AP5Z1: variants seen among roughly 807,000 people sequenced by gnomAD.
AP5Z1 encodes AP-5 complex subunit zeta-1.
In AP5Z1, 106 loss-of-function variants were observed where a neutral mutation model predicts 83.0. That is an observed-to-expected ratio of 1.28 (90% CI 1.09 to 1.50). The LOEUF (loss-of-function observed/expected upper bound fraction) is 1.50, where lower values mean the gene tolerates loss of function less well. Ranked by LOEUF, AP5Z1 falls within the 40% of genes most tolerant of loss-of-function variation. The pLI, the probability that AP5Z1 is intolerant of heterozygous loss-of-function variation, is 0.00. For synonymous variants in AP5Z1, 751 were observed against 514.1 expected, an observed-to-expected ratio of 1.46 and a Z score of -6.23; for missense variants, 1,565 against 1,094.2, an observed-to-expected ratio of 1.43 and a Z score of -6.07.
At position 4,787,711 on chromosome 7, in the gene AP5Z1, CCTGGAGATGCTGCACGCGCTG is replaced by C. The variant is rs1562410720; in HGVS notation, c.1395_1415del (p.Glu465_Leu471del). 5 of 1,550,952 alleles carry C rather than the reference CCTGGAGATGCTGCACGCGCTG, an allele frequency of 3.2e-6. No homozygotes were observed. Among genetic ancestry groups the C allele is most frequent in the Non-Finnish European group, 4.4e-6 (5 of 1,148,948 alleles). The stretch of plus-strand genomic sequence containing the variant: ...CGGCCCTGGTGGACGCTGGCACAGC[CCTGGAGATGCTGCACGCGCTG>C]CTGGACCTGCCCTGCTTGACGGCGG... On this transcript the variant is annotated inframe_deletion, in exon 11 of 17. Transcript: ENST00000649063.
At chr7:4,781,022 TTTATCTCGAGAG>T (rs1781366065) in intron 1 of AP5Z1, among the ~76,000 whole-genome samples, 141 bp from the exon 2 acceptor site, 1 of 152,188 alleles carries the variant, frequency 6.6e-6, no homozygotes, top group African/African-American at 2.4e-5. Flanking sequence ...AATCAGCGAA[TTTATCTCGAGAG>T]CCATGAGCCG....
At chr7:4,781,367 C>G in intron 2 of AP5Z1, 55 bp downstream of exon 2, 2 of 1,607,636 alleles carry the variant, frequency 1.2e-6, no homozygotes, top group Non-Finnish European at 8.5e-7. Context: ...CAGGAGAACC[C>G]AGCCCACGCC....
chr7:4,787,449 G>A (rs1233968158), intron 10 of AP5Z1, 185 bp from the exon 11 acceptor site: 31 of 831,042 alleles, frequency 3.7e-5, no homozygotes, highest in Non-Finnish European at 5.0e-5. Context: ...TTGCACCACT[G>A]CACTCCAGCC....
In AP5Z1 at chr7:4,783,736, G is replaced by A. The variant is rs1000029991; in HGVS notation, c.559G>A (p.Ala187Thr). 9.0e-6 allele frequency: 14 copies of A among 1,550,476 alleles called. No homozygotes were observed. Among genetic ancestry groups the A allele is most frequent in the South Asian group, 2.4e-5 (2 of 84,084 alleles). ...GCGGCTGGTCGACTGGCTGCGCTAC[G>A]CCAGCCTCCAGCAAGGGCTCCCACA... ...SKRLVDWLRY[A>T]SLQQGLPHSG... The change falls in exon 5 of 17, where the codon GCC becomes ACC. Residue 187 changes from alanine to threonine, a missense_variant. Transcript: ENST00000649063.
Position 4,783,459 on chromosome 7 carries a change from G to A in AP5Z1, c.510G>A (p.Glu170=). 6.2e-7 allele frequency: 1 copy of A among 1,611,014 alleles called. No individual in the cohort carries two copies. The highest frequency in any genetic ancestry group is 8.5e-7 in the Non-Finnish European group (1 of 1,178,858). The change falls in exon 4 of 17, where the codon GAG becomes GAA. Residue 170 remains glutamate (E), a splice_region_variant and synonymous_variant. Coordinates refer to ENST00000649063, the MANE Select transcript of AP5Z1 (RefSeq NM_014855.3). ...VVVLSPGTLQ[E]DQATLLSKRL... is the part of the protein sequence containing the mutation. ...TCCTCAGCCCGGGCACCCTCCAGGAGGGTACGCGGGGCCCCTCCCAAGAGG... is the reference window on the plus strand; with the variant it reads ...TCCTCAGCCCGGGCACCCTCCAGGAAGGTACGCGGGGCCCCTCCCAAGAGG...
In AP5Z1 at chr7:4,784,192, C is replaced by G. The variant is rs1167308445; in HGVS notation, c.622-11C>G. ...GCCCCCTCCGCCCACTCCTGCCTGT[C>G]CTTCCCACAGCCGGGCCCCGTCACC... is the stretch of plus-strand genomic sequence containing the variant. On this transcript the variant is annotated splice_polypyrimidine_tract_variant and intron_variant, in intron 5 of 16. Transcript: ENST00000649063. The G allele has an allele frequency of 2.5e-6, 4 of 1,582,996 alleles. No individual in the cohort carries two copies. The highest frequency in any genetic ancestry group is 1.8e-5 in the Admixed American group (1 of 55,760).
At position 4,791,504 on chromosome 7, in the gene AP5Z1, CA is replaced by C; in HGVS notation, c.*120del. On this transcript the variant is annotated 3_prime_UTR_variant, in exon 17 of 17. Transcript: ENST00000649063. ...GAGTCCTGGGAGAGGAGGCAAGGCCCACGGTGGGCTTGGCACCCTCACAGAC... is the reference window on the plus strand; with the variant it reads ...GAGTCCTGGGAGAGGAGGCAAGGCCCCGGTGGGCTTGGCACCCTCACAGAC... 1 of 1,410,934 alleles carries C rather than the reference CA, an allele frequency of 7.1e-7. No homozygotes were observed. Among genetic ancestry groups the C allele is most frequent in the South Asian group, 1.5e-5 (1 of 68,544 alleles). The allele number at this position is 1,410,934 out of a possible 1,614,324, so 87.4% of individuals were successfully genotyped here.
chr7:4,775,642 A>T lies in AP5Z1; in HGVS notation c.-74A>T, dbSNP rs907353752. ...TCACGTGACGCGGTCCCGGAAGTTG[A>T]CCGGGGTGCGGAGCTCCTGGGCTGC... is the stretch of plus-strand genomic sequence containing the variant. On this transcript the variant is annotated 5_prime_UTR_variant, in exon 1 of 17. Transcript: ENST00000649063. 5 of 1,588,972 alleles carry T rather than the reference A, an allele frequency of 3.1e-6. No homozygotes were observed. Among genetic ancestry groups the T allele is most frequent in the East Asian group, 4.5e-5 (2 of 44,408 alleles).
At chr7:4,784,163 C>T (rs1163596516) in intron 5 of AP5Z1, 40 bp from the exon 6 acceptor site, 9 of 1,542,620 alleles carry the variant, frequency 5.8e-6, no homozygotes, top group Non-Finnish European at 7.9e-6. Flanking sequence ...TTTTCCCGGC[C>T]TCGGCCCCCT....
At chr7:4,783,584 G>A in intron 4 of AP5Z1, 105 bp from the exon 5 acceptor site, 3 of 1,526,452 alleles carry the variant, frequency 2.0e-6, no homozygotes, top group Non-Finnish European at 8.9e-7. Context: ...GAGGGTTTGG[G>A]ACGCTGCAGG....
chr7:4,784,206 G>T lies in AP5Z1; in HGVS notation c.625G>T (p.Gly209Cys). The T allele has an allele frequency of 1.9e-6, 3 of 1,582,296 alleles. No individual in the cohort carries two copies. Among genetic ancestry groups the T allele is most frequent in the Non-Finnish European group, 2.6e-6 (3 of 1,166,690 alleles). Residue 209 changes from glycine (G) to cysteine (C), a missense_variant, in exon 6 of 17, where the codon GGC becomes TGC. Gly to Cys is a radical substitution (Grantham distance 159). Coordinates refer to ENST00000649063, the MANE Select transcript of AP5Z1 (RefSeq NM_014855.3). ...CTCCTGCCTGTCCTTCCCACAGCCG[G>T]GCCCCGTCACCGAGGTGGACGGGGC... ...FFSTPRARQP[G>C]PVTEVDGAVA...
chr7:4,779,414 A>T (rs543176728), intron 1 of AP5Z1, among the ~76,000 whole-genome samples: 2 of 138,710 alleles, frequency 1.4e-5, no homozygotes, highest in Non-Finnish European at 3.0e-5. Flanking sequence ...ATATAACATG[A>T]TAACATATAT....
chr7:4,789,760 A>G, intron 13 of AP5Z1, 72 bp from the exon 14 acceptor site: 4 of 1,260,490 alleles, frequency 3.2e-6, no homozygotes, highest in Non-Finnish European at 4.5e-6. Flanking sequence ...AGCCCTCACC[A>G]TGGCTTCACC....
intron 10 of AP5Z1, among the ~76,000 whole-genome samples, chr7:4,787,131 A>G (rs981798715): frequency 5.3e-5 from 8 of 152,144 alleles, no homozygotes; most frequent in Admixed American, 1.3e-4. Context: ...GGTCTTTTCA[A>G]CTGAGGTGGG....
chr7:4,776,348 AAAACAGTGTAAGCCAGG>A (rs1327446559), intron 1 of AP5Z1, among the ~76,000 whole-genome samples: 1 of 151,902 alleles, frequency 6.6e-6, no homozygotes, highest in Non-Finnish European at 1.5e-5. Flanking sequence ...GTCATGGGGG[AAAACAGTGTAAGCCAGG>A]ACTGAACAGA....
In AP5Z1 at chr7:4,793,138, CAAG is replaced by C. The variant is rs1281562264; in HGVS notation, c.*1754_*1756del. On this transcript the variant is annotated 3_prime_UTR_variant, in exon 17 of 17. Coordinates refer to ENST00000649063, the MANE Select transcript of AP5Z1 (RefSeq NM_014855.3). Reference sequence around the variant, plus strand: ...AGGGCCGTCCCGCTCATCCAAGGGACAAGGAGGAGCTCATGGCCACAGGGCCTC... The same window carrying C: ...AGGGCCGTCCCGCTCATCCAAGGGACGAGGAGCTCATGGCCACAGGGCCTC... 1 of 152,388 alleles carries C rather than the reference CAAG, an allele frequency of 6.6e-6. No individual in the cohort carries two copies. The highest frequency in any genetic ancestry group is 1.5e-5 in the Non-Finnish European group (1 of 68,124). The allele number at this position is 152,388 out of a possible 1,614,324, so 9.4% of individuals were successfully genotyped here.
chr7:4,790,236 C>T, intron 14 of AP5Z1: 1 of 1,549,364 alleles, frequency 6.5e-7, no homozygotes, highest in Non-Finnish European at 8.7e-7. Flanking sequence ...CAGGCCCATC[C>T]TGGTTCCACT....
At chr7:4,788,673 G>A (rs976918437) in intron 12 of AP5Z1, 167 bp from the exon 13 acceptor site, 4 of 602,288 alleles carry the variant, frequency 6.6e-6, no homozygotes, top group Non-Finnish European at 1.1e-5. Flanking sequence ...CGGGTGTGCT[G>A]ACGCCAGGGG....
chr7:4,779,570 C>T (rs915913012), intron 1 of AP5Z1, among the ~76,000 whole-genome samples: 1 of 151,468 alleles, frequency 6.6e-6, no homozygotes, highest in African/African-American at 2.4e-5. Context: ...TCTTCCAGCT[C>T]AAGCAGTTCT....
Sources: gnomAD v4.1 joint callset for allele counts (sites outside exome capture counted in the v4.1 genomes callset) on GRCh38, gnomAD v4.1.1 for gene constraint, MANE v1.5 for transcripts, NCBI Gene and HGNC (gene_info 2026-07-23, HGNC 2026-07-21) for gene names.